SANBR: variants seen among roughly 807,000 people sequenced by gnomAD.
SANBR encodes the protein SANT and BTB domain regulator of CSR.
In SANBR, 77 loss-of-function variants were observed where a neutral mutation model predicts 101.8. That is an observed-to-expected ratio of 0.76 (90% CI 0.63 to 0.91). The LOEUF (loss-of-function observed/expected upper bound fraction) is 0.91. Ranked by LOEUF, SANBR falls within the 40% of genes least tolerant of loss-of-function variation. The probability of loss-of-function intolerance (pLI) is 0.00; values close to 1 mark genes in which losing one functional copy is unlikely to be tolerated. For synonymous variants in SANBR, 279 were observed against 274.7 expected, an observed-to-expected ratio of 1.02 and a Z score of -0.15; for missense variants, 875 against 853.0, an observed-to-expected ratio of 1.03 and a Z score of -0.32.
At chr2:61,121,437 TTAAAAGA>T (rs763968677) in intron 21 of SANBR, 161 bp downstream of exon 21, 62 of 483,638 alleles carry the variant, frequency 1.3e-4, no homozygotes, top group Middle Eastern at 1.2e-3. Context: ...AGATTTTAAC[TTAAAAGA>T]TAAAATCTAA....
In SANBR at chr2:61,133,209, G is replaced by T. The variant is rs115658331; in HGVS notation, c.2029-928G>T. ...GGAGGTTGCAGTGAGCTGAGAACACGTTACTGCACTGCACTCCAGCCTGGG... is the reference window on the plus strand; with the variant it reads ...GGAGGTTGCAGTGAGCTGAGAACACTTTACTGCACTGCACTCCAGCCTGGG... On this transcript the variant is annotated intron_variant, in intron 20 of 21. Coordinates refer to the SANBR transcript ENST00000295031. Among the ~76,000 whole-genome samples, 432 of 152,064 alleles carry T rather than the reference G, an allele frequency of 2.8e-3. 1 individual carries two copies. Among genetic ancestry groups the T allele is most frequent in the African/African-American group, 8.7e-3 (360 of 41,486 alleles).
intron 21 of SANBR, among the ~76,000 whole-genome samples, chr2:61,134,863 C>G (rs1280372354): frequency 6.6e-6 from 1 of 151,964 alleles, no homozygotes; most frequent in Non-Finnish European, 1.5e-5. Flanking sequence ...CACTGCACTC[C>G]AGCCTTGCAA....
At chr2:61,104,294 AAC>A (rs1683437530) in intron 13 of SANBR, among the ~76,000 whole-genome samples, 4 of 152,000 alleles carry the variant, frequency 2.6e-5, no homozygotes, top group Admixed American at 2.6e-4. Flanking sequence ...CATCCTGGCT[AAC>A]ACAGTGAAAC....
chr2:61,134,149 A>T lies in SANBR; in HGVS notation c.2041A>T (p.Arg681Ter). 1 of 1,614,156 alleles carries T rather than the reference A, an allele frequency of 6.2e-7. No individual in the cohort carries two copies. Among genetic ancestry groups the T allele is most frequent in the Non-Finnish European group, 8.5e-7 (1 of 1,180,026 alleles). ...TGCTTTTTTACAGACAGACAAACTG[A>T]GACCCAGAGACGGCACTGTGTCTAA... Residue 681 changes from arginine (R) to a stop codon, truncating the protein, a stop_gained, in exon 21 of 22, where the codon AGA (arginine) becomes TGA (stop). Transcript: ENST00000295031. LOFTEE classifies it high-confidence loss of function.
chr2:61,076,937 A>C lies in SANBR; in HGVS notation c.449A>C (p.His150Pro). 2 of 1,613,198 alleles carry C rather than the reference A, an allele frequency of 1.2e-6. No homozygotes were observed. The highest frequency in any genetic ancestry group is 1.7e-6 in the Non-Finnish European group (2 of 1,179,274). Residue 150 changes from histidine to proline, a missense_variant, in exon 6 of 22, where the codon CAT (histidine) becomes CCT (proline). By Grantham distance (77) the His-to-Pro change is moderately conservative (BLOSUM62 -2). Coordinates refer to ENST00000402291, the MANE Select transcript of SANBR (RefSeq NM_001129993.3). ...TTATGAAGGCCAAACATGGTGATCC[A>C]TGTGTGTGATGAAGCAAAAAACTTG... is the stretch of plus-strand genomic sequence containing the variant. The part of the protein sequence containing the change: ...EESEGPNMVI[H>P]VCDEAKNLKE...
At chr2:61,109,690 T>C (rs1430371140) in intron 16 of SANBR, among the ~76,000 whole-genome samples, 2 of 148,800 alleles carry the variant, frequency 1.3e-5, no homozygotes, top group Admixed American at 6.7e-5. Context: ...TGTTTTTTTT[T>C]TTTTTTTTTT....
downstream of SANBR, among the ~76,000 whole-genome samples, chr2:61,127,588 C>G (rs1684550177): frequency 6.6e-6 from 1 of 152,166 alleles, no homozygotes; most frequent in Non-Finnish European, 1.5e-5. Flanking sequence ...TTATGAGCAT[C>G]TCATAAGCTC....
At position 61,089,243 on chromosome 2, in the gene SANBR, G is replaced by T. The variant is rs1682613966; in HGVS notation, c.1088+775G>T. ...ATTAATATGTAGGCCGGGCACGGTG[G>T]CTCACACCTATAATCCCAGCACTTT... On this transcript the variant is annotated intron_variant, in intron 10 of 21. Coordinates refer to ENST00000402291, the MANE Select transcript of SANBR (RefSeq NM_001129993.3). The T allele has an allele frequency of 3.1e-6, 3 of 968,748 alleles. No homozygotes were observed. The African/African-American group carries it at 5.3e-5, about 17-fold the overall frequency. 60.0% of individuals were successfully genotyped at this position (968,748 alleles called of 1,614,324 possible).
chr2:61,136,097 G>C (rs1433144340), intron 21 of SANBR, among the ~76,000 whole-genome samples: 10 of 152,140 alleles, frequency 6.6e-5, no homozygotes, highest in African/African-American at 1.4e-4. Flanking sequence ...CTGAGGTCAG[G>C]AGTTCGAGAC....
intron 4 of SANBR, among the ~76,000 whole-genome samples, chr2:61,072,374 C>G (rs1367166128): frequency 1.2e-4 from 18 of 151,880 alleles, no homozygotes; most frequent in Admixed American, 1.2e-3. Context: ...GAGTTCAAGA[C>G]CAACCTGGGC....
downstream of SANBR, among the ~76,000 whole-genome samples, chr2:61,125,798 C>A (rs1473099148): frequency 4.6e-5 from 7 of 152,170 alleles, no homozygotes; most frequent in Admixed American, 3.9e-4. Context: ...CGCCCGCCCC[C>A]GCCACCAAAT....
At chr2:61,080,678 G>A (rs1452416485) in intron 6 of SANBR, among the ~76,000 whole-genome samples, 4 of 151,482 alleles carry the variant, frequency 2.6e-5, no homozygotes, top group South Asian at 2.1e-4. Context: ...CAGAGATTGC[G>A]CCACTGCACT....
At chr2:61,121,300 G>C in intron 21 of SANBR, 24 bp downstream of exon 21, 1 of 1,506,124 alleles carries the variant, frequency 6.6e-7, no homozygotes, top group Non-Finnish European at 9.0e-7. Context: ...AACTAAACCA[G>C]AGTGTCAGTG....
At chr2:61,102,671 G>T (rs1306387045) in intron 12 of SANBR, among the ~76,000 whole-genome samples, 1 of 151,778 alleles carries the variant, frequency 6.6e-6, no homozygotes, top group Admixed American at 6.6e-5. Context: ...CTGAGTAGCT[G>T]GATTACAGGT....
At chr2:61,115,882 A>C (rs1684057006) in intron 16 of SANBR, 97 bp from the exon 17 acceptor site, 1 of 685,706 alleles carries the variant, frequency 1.5e-6, no homozygotes, top group African/African-American at 1.8e-5. Context: ...TTTTCTTAAA[A>C]CAATGTTTTT....
At chr2:61,110,725 G>T in intron 16 of SANBR, among the ~76,000 whole-genome samples, 1 of 151,758 alleles carries the variant, frequency 6.6e-6, no homozygotes, top group Non-Finnish European at 1.5e-5. Flanking sequence ...GCAGGTGCGT[G>T]TAATCACAGC....
At chr2:61,113,389 G>C (rs111327373) in intron 16 of SANBR, among the ~76,000 whole-genome samples, 1,808 of 152,262 alleles carry the variant, frequency 0.012, 31 homozygotes, top group African/African-American at 0.041. Context: ...TGTTGGGATT[G>C]TGTTGAACCC....
At position 61,073,408 on chromosome 2, in the gene SANBR, C is replaced by T. The variant is rs200687620; in HGVS notation, c.338-50C>T. 1.2e-4 allele frequency: 111 copies of T among 911,278 alleles called. No individual in the cohort carries two copies. In the East Asian group the frequency reaches 2.9e-3, roughly 24 times the overall value. 56.4% of individuals were successfully genotyped at this position (911,278 alleles called of 1,614,324 possible). ...ATAAAAACCCATTCTCAGCTAGAAA[C>T]ACTAACCCCCACCTTTTTTTTTTTG... On this transcript the variant is annotated intron_variant, in intron 4 of 21. Coordinates refer to ENST00000402291, the MANE Select transcript of SANBR (RefSeq NM_001129993.3).
intron 21 of SANBR, among the ~76,000 whole-genome samples, chr2:61,136,967 C>G (rs1447060734): frequency 6.6e-6 from 1 of 150,376 alleles, no homozygotes; most frequent in Non-Finnish European, 1.5e-5. Flanking sequence ...GAGACTGTCT[C>G]CAAAACAACA....
Sources: gnomAD v4.1 joint callset for allele counts (sites outside exome capture counted in the v4.1 genomes callset) on GRCh38, gnomAD v4.1.1 for gene constraint, MANE v1.5 for transcripts, NCBI Gene and HGNC (gene_info 2026-07-23, HGNC 2026-07-21) for gene names.